The following TAF2 variants were observed in gnomAD, a reference collection of about 807,000 sequenced individuals.
TAF2 encodes TATA-box binding protein associated factor 2, also known as transcription initiation factor TFIID subunit 2.
A neutral mutation model predicts 138.5 loss-of-function variants in TAF2; 61 were observed. That is an observed-to-expected ratio of 0.44 (90% CI 0.36 to 0.54). The LOEUF (loss-of-function observed/expected upper bound fraction) is 0.54, where lower values mean the gene tolerates loss of function less well. TAF2 is among the 20% of genes least tolerant of loss of function. TAF2 has a pLI of 0.00. For missense variants in TAF2, 1,090 were observed against 1,427.9 expected, an observed-to-expected ratio of 0.76 and a Z score of 3.81; for synonymous variants, 475 against 469.9, an observed-to-expected ratio of 1.01 and a Z score of -0.14.
At chr8:119,810,244 A>T (rs1824957317) in intron 3 of TAF2, among the ~76,000 whole-genome samples, 2 of 152,278 alleles carry the variant, frequency 1.3e-5, no homozygotes, top group South Asian at 4.1e-4. Context: ...AAATAAATGG[A>T]ATCACATAGA....
Position 119,758,051 on chromosome 8 carries a change from G to C in TAF2, c.2768+22C>G, listed in dbSNP as rs770237123. ...ACTATAGGACTTACAAAATATCATA[G>C]CATCATAGCACATAAACTAACCTTA... is the stretch of plus-strand genomic sequence containing the variant. On this transcript the variant is annotated intron_variant, in intron 21 of 25. Coordinates refer to ENST00000378164, the MANE Select transcript of TAF2 (RefSeq NM_003184.4). 9 of 1,596,356 alleles carry C rather than the reference G, an allele frequency of 5.6e-6. No homozygotes were observed. In the South Asian group the frequency reaches 9.9e-5, roughly 18 times the overall value.
At chr8:119,789,889 C>A (rs1405670258) in intron 11 of TAF2, 143 bp from the exon 12 acceptor site, 2 of 820,318 alleles carry the variant, frequency 2.4e-6, no homozygotes, top group South Asian at 1.7e-5. Flanking sequence ...ATTCTAAAGA[C>A]TACTAGCAAT....
rs397795248 is a variant in TAF2 at position 119,814,737 on chromosome 8, C to CAAAAAAA, written c.299+4602_299+4608dup. ...TGAAACCCTGTCTCTACCAAAAATA[C>CAAAAAAA]AAAAAAAAAAAAAAAAAAAAAATTA... On this transcript the variant is annotated intron_variant, in intron 3 of 25. Transcript: ENST00000378164. Among the ~76,000 whole-genome samples, 129 of 86,432 alleles carry CAAAAAAA rather than the reference C, an allele frequency of 1.5e-3. 1 individual carries two copies. Among genetic ancestry groups the CAAAAAAA allele is most frequent in the Middle Eastern group, 0.01 (1 of 96 alleles). The allele number at this position is 86,432 out of a possible 152,430, so 56.7% of individuals were successfully genotyped here. A position where few individuals can be genotyped will look rare whatever the true frequency, so the allele number is the denominator to read the frequency against.
intron 3 of TAF2, among the ~76,000 whole-genome samples, chr8:119,817,078 A>G (rs1292421773): frequency 1.5e-4 from 23 of 149,678 alleles, no homozygotes. Flanking sequence ...TTATTAGTCA[A>G]GCATTTACTA....
chr8:119,759,380 T>C (rs997419532), intron 20 of TAF2, among the ~76,000 whole-genome samples: 2 of 152,076 alleles, frequency 1.3e-5, no homozygotes, highest in Admixed American at 1.3e-4. Flanking sequence ...GATGTAAGTA[T>C]ACTTTCCCCT....
intron 2 of TAF2, among the ~76,000 whole-genome samples, chr8:119,829,557 GTA>G (rs1369627322): frequency 6.6e-6 from 1 of 151,120 alleles, no homozygotes; most frequent in Non-Finnish European, 1.5e-5. Context: ...ATATGTATGT[GTA>G]TATATATATA....
intron 22 of TAF2, among the ~76,000 whole-genome samples, chr8:119,752,518 T>C (rs56285268): frequency 0.1 from 15,511 of 152,142 alleles, 1,213 homozygotes; most frequent in African/African-American, 0.22. Context: ...TACCTGTCTC[T>C]CAGCTCCAAA....
chr8:119,831,192 T>C (rs891865508), intron 2 of TAF2, among the ~76,000 whole-genome samples: 1 of 152,170 alleles, frequency 6.6e-6, no homozygotes, highest in Non-Finnish European at 1.5e-5. Flanking sequence ...ATCTAAATTG[T>C]GTCGGGAGGC....
intron 25 of TAF2, among the ~76,000 whole-genome samples, chr8:119,733,571 T>C (rs1349925051): frequency 6.6e-6 from 1 of 152,198 alleles, no homozygotes. Context: ...TCTCCAACTC[T>C]AGTGTACAGA....
intron 22 of TAF2, among the ~76,000 whole-genome samples, chr8:119,753,027 A>G (rs1820460070): frequency 6.6e-6 from 1 of 152,174 alleles, no homozygotes; most frequent in Admixed American, 6.5e-5. Flanking sequence ...CCTCATTACC[A>G]TTTCTTAAAA....
At chr8:119,794,732 A>C (rs1263950716) in intron 9 of TAF2, among the ~76,000 whole-genome samples, 2 of 152,164 alleles carry the variant, frequency 1.3e-5, no homozygotes, top group Admixed American at 1.3e-4. Context: ...TTCTTCTTTA[A>C]TAGTTTCTGA....
intron 2 of TAF2, among the ~76,000 whole-genome samples, chr8:119,825,494 A>C (rs1796070838): frequency 1.3e-5 from 2 of 152,060 alleles, no homozygotes; most frequent in Admixed American, 1.3e-4. Context: ...ATTGGTTTTG[A>C]AATGTGAGGG....
chr8:119,813,413 A>C (rs1400348895), intron 3 of TAF2, among the ~76,000 whole-genome samples: 3 of 152,216 alleles, frequency 2.0e-5, no homozygotes, highest in African/African-American at 7.2e-5. Context: ...TTGGTTTGTG[A>C]TTTTTAATCC....
chr8:119,795,246 G>A (rs1227177551), intron 9 of TAF2, among the ~76,000 whole-genome samples: 1 of 152,086 alleles, frequency 6.6e-6, no homozygotes, highest in East Asian at 1.9e-4. Flanking sequence ...AATTTAGGAA[G>A]CACAGTTACA....
intron 20 of TAF2, among the ~76,000 whole-genome samples, chr8:119,758,471 G>A (rs954848163): frequency 2.6e-5 from 4 of 152,128 alleles, no homozygotes; most frequent in African/African-American, 4.8e-5. Context: ...GACAAAATCT[G>A]TTTAAATACA....
chr8:119,780,254 C>T (rs1271330326), intron 17 of TAF2, among the ~76,000 whole-genome samples: 1 of 152,142 alleles, frequency 6.6e-6, no homozygotes, highest in Non-Finnish European at 1.5e-5. Flanking sequence ...TGACTCTAAC[C>T]ACCACTTTCT....
At chr8:119,807,200 A>T (rs1586497362) in intron 3 of TAF2, among the ~76,000 whole-genome samples, 2 of 152,366 alleles carry the variant, frequency 1.3e-5, no homozygotes, top group Admixed American at 1.3e-4. Context: ...TGTAAGCTTA[A>T]TGAAGCAGAG....
At chr8:119,805,793 C>T (rs1824592278) in intron 4 of TAF2, among the ~76,000 whole-genome samples, 2 of 152,034 alleles carry the variant, frequency 1.3e-5, no homozygotes, top group African/African-American at 2.4e-5. Context: ...ATGGTATCAT[C>T]CTGTTAGCCA....
At chr8:119,787,417 A>G (rs1309498132) in intron 14 of TAF2, among the ~76,000 whole-genome samples, 1 of 151,928 alleles carries the variant, frequency 6.6e-6, no homozygotes, top group Admixed American at 6.5e-5. Flanking sequence ...ACCCCATCAA[A>G]AAGTGGGTTA....
Sources: gnomAD v4.1 joint callset for allele counts (sites outside exome capture counted in the v4.1 genomes callset) on GRCh38, gnomAD v4.1.1 for gene constraint, MANE v1.5 for transcripts, NCBI Gene and HGNC (gene_info 2026-07-23, HGNC 2026-07-21) for gene names.